The following CD80 variants were observed in gnomAD, a reference collection of about 807,000 sequenced individuals.
The protein encoded by CD80 is CD80 molecule.
In CD80, 13 loss-of-function variants were observed where a neutral mutation model predicts 27.1. That is an observed-to-expected ratio of 0.48 (90% CI 0.31 to 0.76). CD80 has a LOEUF of 0.76. Among genes scored for constraint, CD80 ranks in the 30% least tolerant of loss-of-function variants. The probability of loss-of-function intolerance (pLI) is 0.04; values close to 1 mark genes in which losing one functional copy is unlikely to be tolerated. For missense variants in CD80, 277 were observed against 347.9 expected, an observed-to-expected ratio of 0.80 and a Z score of 1.62; for synonymous variants, 125 against 125.5, an observed-to-expected ratio of 1.00 and a Z score of 0.03.
At chr3:119,533,519 A>G (rs1239905084) in intron 4 of CD80, among the ~76,000 whole-genome samples, 1 of 152,096 alleles carries the variant, frequency 6.6e-6, no homozygotes, top group Non-Finnish European at 1.5e-5. Context: ...CATGGGAGGA[A>G]CCCAGTGGGA....
At chr3:119,526,908 A>C (rs573265538) in intron 6 of CD80, among the ~76,000 whole-genome samples, 21 of 152,290 alleles carry the variant, frequency 1.4e-4, no homozygotes, top group African/African-American at 5.1e-4. Context: ...CTGGGACCTG[A>C]TATCAGTCTC....
chr3:119,551,882 C>A (rs2082234220), intron 2 of CD80, among the ~76,000 whole-genome samples: 1 of 152,252 alleles, frequency 6.6e-6, no homozygotes, highest in South Asian at 2.1e-4. Flanking sequence ...GAACTGAGTT[C>A]AGTGCCCATA....
At chr3:119,530,544 C>T (rs2082103969) in intron 4 of CD80, among the ~76,000 whole-genome samples, 1 of 152,128 alleles carries the variant, frequency 6.6e-6, no homozygotes, top group Non-Finnish European at 1.5e-5. Context: ...TAGAAGAGAG[C>T]ACTGAAGGTT....
chr3:119,556,543 A>G (rs921766994), intron 2 of CD80, among the ~76,000 whole-genome samples: 1 of 152,194 alleles, frequency 6.6e-6, no homozygotes, highest in Non-Finnish European at 1.5e-5. Flanking sequence ...GTAAATTGTG[A>G]AATGTAGGCC....
At position 119,525,730 on chromosome 3, in the gene CD80, A is replaced by G. The variant is rs779382350; in HGVS notation, c.*58T>C. ...CTGAGGAAGTTCCCAGAAGAGGTCA[A>G]TTGCAAATGGAGGTGGGACCTGAGA... On this transcript the variant is annotated 3_prime_UTR_variant, in exon 7 of 7. Coordinates refer to ENST00000264246, the MANE Select transcript of CD80 (RefSeq NM_005191.4). 2 of 152,502 alleles carry G rather than the reference A, an allele frequency of 1.3e-5. No individual in the cohort carries two copies. The highest frequency in any genetic ancestry group is 1.5e-5 in the Non-Finnish European group (1 of 68,018). The allele number at this position is 152,502 out of a possible 1,614,324, so 9.4% of individuals were successfully genotyped here.
chr3:119,538,262 A>G (rs887906886), intron 3 of CD80, among the ~76,000 whole-genome samples: 1 of 152,208 alleles, frequency 6.6e-6, no homozygotes, highest in African/African-American at 2.4e-5. Context: ...ACCAGAGCCT[A>G]TCTTTTCTTG....
chr3:119,537,141 A>T lies in CD80; in HGVS notation c.696T>A (p.Asn232Lys). ...HLRVNQTFNW[N>K]TTKQEHFPDN... ...CCCCAGAACAATGTCACTTACTTGT[A>T]TTCCAGTTGAAGGTCTGATTCACTC... Residue 232 changes from asparagine (N) to lysine (K), a missense_variant, in exon 4 of 7, where the codon AAT becomes AAA. Asn to Lys is a moderately conservative substitution (Grantham distance 94). Coordinates refer to ENST00000264246, the MANE Select transcript of CD80 (RefSeq NM_005191.4). 1 of 1,611,510 alleles carries T rather than the reference A, an allele frequency of 6.2e-7. No homozygotes were observed. The highest frequency in any genetic ancestry group is 8.5e-7 in the Non-Finnish European group (1 of 1,177,662).
intron 3 of CD80, among the ~76,000 whole-genome samples, chr3:119,542,508 T>C (rs929653385): frequency 2.6e-5 from 4 of 152,184 alleles, no homozygotes; most frequent in Non-Finnish European, 5.9e-5. Context: ...AAATTTCAAC[T>C]GTGAGAAAAT....
chr3:119,538,557 G>A (rs539774032), intron 3 of CD80, among the ~76,000 whole-genome samples: 15 of 152,182 alleles, frequency 9.9e-5, no homozygotes, highest in African/African-American at 2.9e-4. Flanking sequence ...TTAAAAGGTC[G>A]TCTTTTACAT....
At chr3:119,539,522 T>C (rs2082156217) in intron 3 of CD80, among the ~76,000 whole-genome samples, 1 of 152,178 alleles carries the variant, frequency 6.6e-6, no homozygotes, top group Non-Finnish European at 1.5e-5. Context: ...TTTCTTACTA[T>C]TTTGATATGC....
chr3:119,553,509 A>G (rs180880243), intron 2 of CD80, among the ~76,000 whole-genome samples: 36 of 152,294 alleles, frequency 2.4e-4, no homozygotes, highest in Non-Finnish European at 1.5e-4. Flanking sequence ...AGAAGAATCC[A>G]TACTAGGAAG....
At chr3:119,543,953 A>G (rs1473866564) in intron 3 of CD80, among the ~76,000 whole-genome samples, 1 of 144,664 alleles carries the variant, frequency 6.9e-6, no homozygotes, top group Non-Finnish European at 1.5e-5. Context: ...CAGTGGTGCA[A>G]TCTCAGCTCA....
rs529063400 is a variant in CD80 at position 119,524,451 on chromosome 3, G to A, written c.*1337C>T. On this transcript the variant is annotated 3_prime_UTR_variant, in exon 7 of 7. Transcript: ENST00000264246. Reference sequence around the variant, plus strand: ...TTGAGTTAAGTATTCCTGTCAATACGGGAAACACTGCTAGTACCTTATGTT... The same window carrying A: ...TTGAGTTAAGTATTCCTGTCAATACAGGAAACACTGCTAGTACCTTATGTT... The A allele has an allele frequency of 2.6e-5, 4 of 152,306 alleles. No individual in the cohort carries two copies. The East Asian group carries it at 7.7e-4, about 29-fold the overall frequency. The allele number at this position is 152,306 out of a possible 1,614,324, so 9.4% of individuals were successfully genotyped here.
At chr3:119,532,571 T>A (rs2082116466) in intron 4 of CD80, among the ~76,000 whole-genome samples, 1 of 152,148 alleles carries the variant, frequency 6.6e-6, no homozygotes, top group Admixed American at 6.6e-5. Flanking sequence ...CTCCACCTGA[T>A]TAAAACTGAA....
Position 119,526,050 on chromosome 3 carries a change from C to G in CD80, c.*39-301G>C, listed in dbSNP as rs184322430. ...ATGAGAGAACTTAAAACTACTCTGG[C>G]AATTTTTGTCACATGAAATATCGAT... On this transcript the variant is annotated intron_variant, in intron 6 of 6. Coordinates refer to ENST00000264246, the MANE Select transcript of CD80 (RefSeq NM_005191.4). Among the ~76,000 whole-genome samples, 369 of 152,110 alleles carry G rather than the reference C, an allele frequency of 2.4e-3. 2 individuals are homozygous for G. Among genetic ancestry groups the G allele is most frequent in the Middle Eastern group, 6.8e-3 (2 of 292 alleles).
chr3:119,538,570 G>A (rs2082151309), intron 3 of CD80, among the ~76,000 whole-genome samples: 1 of 152,158 alleles, frequency 6.6e-6, no homozygotes, highest in Admixed American at 6.5e-5. Context: ...TTTTACATGA[G>A]GGGCCTACCC....
At position 119,555,896 on chromosome 3, in the gene CD80, G is replaced by T. The variant is rs146996221; in HGVS notation, c.100+1733C>A. On this transcript the variant is annotated intron_variant, in intron 2 of 6. Coordinates refer to ENST00000264246, the MANE Select transcript of CD80 (RefSeq NM_005191.4). ...GCCTCATCCTTACCTTTGTGCCTTT[G>T]TCCAGGCTGTTGCCCTGACCAGAAT... 1.4e-4 allele frequency among the ~76,000 whole-genome samples: 22 copies of T among 152,314 alleles called. No homozygotes were observed. The East Asian group carries it at 3.7e-3, about 25-fold the overall frequency.
intron 2 of CD80, among the ~76,000 whole-genome samples, chr3:119,554,458 T>G (rs2082251758): frequency 6.6e-6 from 1 of 152,178 alleles, no homozygotes; most frequent in African/African-American, 2.4e-5. Flanking sequence ...AGGGCTGCCC[T>G]GTTAGAGCCT....
intron 2 of CD80, among the ~76,000 whole-genome samples, chr3:119,553,636 G>A (rs972260273): frequency 6.6e-5 from 10 of 152,156 alleles, no homozygotes; most frequent in Non-Finnish European, 1.2e-4. Context: ...GGCTGCCCTC[G>A]CAGGGGTCTG....
Sources: allele counts gnomAD v4.1 joint callset (sites outside exome capture counted in the v4.1 genomes callset), GRCh38; gene constraint gnomAD v4.1.1; transcripts MANE v1.5; gene names NCBI Gene and HGNC (gene_info 2026-07-23, HGNC 2026-07-21).